NCOA3: variants seen among roughly 807,000 people sequenced by gnomAD.
NCOA3 encodes nuclear receptor coactivator 3.
A neutral mutation model predicts 158.8 loss-of-function variants in NCOA3; 51 were observed. That is an observed-to-expected ratio of 0.32 (90% CI 0.26 to 0.41). NCOA3 has a LOEUF of 0.41. Ranked by LOEUF, NCOA3 falls within the 10% of genes least tolerant of loss-of-function variation. The pLI, the probability that NCOA3 is intolerant of heterozygous loss-of-function variation, is 1.00. For missense variants in NCOA3, 1,510 were observed against 1,746.6 expected, an observed-to-expected ratio of 0.86 and a Z score of 2.41; for synonymous variants, 537 against 592.4, an observed-to-expected ratio of 0.91 and a Z score of 1.36.
Position 47,625,435 on chromosome 20 carries a change from G to C in NCOA3, c.311G>C (p.Gly104Ala). Residue 104 changes from glycine to alanine, a missense_variant, in exon 5 of 23, where the codon GGG becomes GCG. By Grantham distance (60) the Gly-to-Ala change is moderately conservative (BLOSUM62 0). Around this residue, in one of 4 missense-constraint regions of NCOA3, gnomAD observed 309 missense variants for 427.1 expected, o/e 0.72. Transcript: ENST00000371998. ...DVQKADVSST[G>A]QGVIDKDSLG... is the part of the protein sequence containing the mutation. The stretch of plus-strand genomic sequence containing the variant: ...CAAAAAGCCGATGTATCTTCTACAG[G>C]GCAGGGAGTTATTGATAAAGACTCC... 6.2e-6 allele frequency: 10 copies of C among 1,613,728 alleles called. No homozygotes were observed. The highest frequency in any genetic ancestry group is 8.5e-6 in the Non-Finnish European group (10 of 1,179,830).
chr20:47,631,950 C>T (rs1248758135), intron 8 of NCOA3, among the ~76,000 whole-genome samples: 4 of 152,304 alleles, frequency 2.6e-5, no homozygotes, highest in Non-Finnish European at 5.9e-5. Context: ...CACTAACCAG[C>T]GCTCTGTCTG....
At chr20:47,533,284 C>CAAAAAAA (rs1158802672) in intron 1 of NCOA3, among the ~76,000 whole-genome samples, 3 of 54,840 alleles carry the variant, frequency 5.5e-5, no homozygotes, top group South Asian at 8.5e-4. Flanking sequence ...GGTTCCGTCT[C>CAAAAAAA]AAAAAAAAAA....
intron 1 of NCOA3, among the ~76,000 whole-genome samples, chr20:47,532,341 C>T (rs1295025182): frequency 6.6e-6 from 1 of 151,918 alleles, no homozygotes; most frequent in Non-Finnish European, 1.5e-5. Flanking sequence ...AGCAAGGTGA[C>T]CAGTGTTTTG....
At chr20:47,640,763 C>T (rs890182334) in intron 16 of NCOA3, among the ~76,000 whole-genome samples, 1 of 150,952 alleles carries the variant, frequency 6.6e-6, no homozygotes, top group Non-Finnish European at 1.5e-5. Context: ...TGGTGTGTGC[C>T]TGTAGTCCCA....
At chr20:47,642,132 A>G (rs1358979165) in intron 16 of NCOA3, 81 bp from the exon 17 acceptor site, 1 of 1,056,814 alleles carries the variant, frequency 9.5e-7, no homozygotes, top group Non-Finnish European at 1.4e-6. Context: ...TTCATTAAAA[A>G]TACTATGCAT....
At chr20:47,549,181 C>T (rs1224512981) in intron 1 of NCOA3, among the ~76,000 whole-genome samples, 1 of 151,862 alleles carries the variant, frequency 6.6e-6, no homozygotes, top group Non-Finnish European at 1.5e-5. Context: ...ACTTAACTAT[C>T]CTTAATTTTG....
chr20:47,617,543 T>G lies in NCOA3; in HGVS notation c.-19-4686T>G, dbSNP rs569052856. Among the ~76,000 whole-genome samples the G allele has an allele frequency of 2.0e-5, 3 of 152,288 alleles. No homozygotes were observed. In the South Asian group the frequency reaches 6.2e-4, roughly 32 times the overall value. On this transcript the variant is annotated intron_variant, in intron 2 of 22. Coordinates refer to ENST00000371998, the MANE Select transcript of NCOA3 (RefSeq NM_181659.3). ...GTGCTAGGCATTTACCTTTTATATC[T>G]TAATCTACCAAAATAGCATATCCTC... is the stretch of plus-strand genomic sequence containing the variant.
rs1344563547 is a variant in NCOA3 at position 47,625,358 on chromosome 20, T to TA, written c.257-22dup. On this transcript the variant is annotated intron_variant, in intron 4 of 22. Transcript: ENST00000371998. Reference sequence around the variant, plus strand: ...CTATAACTGATAGTGTGTTATTCGTTATACCACCTTCTGTCTTTTCAGGAA... The same window carrying TA: ...CTATAACTGATAGTGTGTTATTCGTTAATACCACCTTCTGTCTTTTCAGGAA... 3 of 1,518,276 alleles carry TA rather than the reference T, an allele frequency of 2.0e-6. No homozygotes were observed. The East Asian group carries it at 6.8e-5, about 34-fold the overall frequency. The allele number at this position is 1,518,276 out of a possible 1,614,324, so 94.1% of individuals were successfully genotyped here.
intron 1 of NCOA3, among the ~76,000 whole-genome samples, chr20:47,580,744 C>T (rs1405174706): frequency 6.6e-6 from 1 of 152,124 alleles, no homozygotes; most frequent in African/African-American, 2.4e-5. Context: ...AGAAGTTCTG[C>T]CTACCTTTTC....
At chr20:47,540,118 T>C (rs890290868) in intron 1 of NCOA3, among the ~76,000 whole-genome samples, 1 of 152,118 alleles carries the variant, frequency 6.6e-6, no homozygotes, top group African/African-American at 2.4e-5. Context: ...GCCATGCCCT[T>C]TTTACCACCC....
At chr20:47,543,752 C>T (rs2084782331) in intron 1 of NCOA3, among the ~76,000 whole-genome samples, 1 of 152,142 alleles carries the variant, frequency 6.6e-6, no homozygotes, top group African/African-American at 2.4e-5. Context: ...TCAGGTGATC[C>T]ACCTGCCTTG....
intron 9 of NCOA3, 63 bp from the exon 10 acceptor site, chr20:47,633,985 C>G: frequency 9.0e-6 from 14 of 1,554,866 alleles, no homozygotes; most frequent in Non-Finnish European, 1.1e-5. Context: ...CCTCCCTGTC[C>G]CCTCCTATAT....
chr20:47,542,789 C>T (rs1260903799), intron 1 of NCOA3, among the ~76,000 whole-genome samples: 1 of 152,100 alleles, frequency 6.6e-6, no homozygotes, highest in East Asian at 1.9e-4. Context: ...TGGCGAAACC[C>T]CATCTATACA....
At chr20:47,579,782 C>G (rs1200482596) in intron 1 of NCOA3, among the ~76,000 whole-genome samples, 1 of 152,120 alleles carries the variant, frequency 6.6e-6, no homozygotes, top group Admixed American at 6.5e-5. Flanking sequence ...ACACTAAGCA[C>G]CAAGTTTTTG....
Position 47,522,099 on chromosome 20 carries a change from C to CTTTTTTTTTTTT in NCOA3, c.-99+20092_-99+20103dup, listed in dbSNP as rs772811888. 3.5e-4 allele frequency among the ~76,000 whole-genome samples: 27 copies of CTTTTTTTTTTTT among 76,836 alleles called. 1 individual carries two copies. Among genetic ancestry groups the CTTTTTTTTTTTT allele is most frequent in the African/African-American group, 1.2e-3 (22 of 19,076 alleles). 50.4% of individuals were successfully genotyped at this position (76,836 alleles called of 152,430 possible). On this transcript the variant is annotated intron_variant, in intron 1 of 22. Transcript: ENST00000371998. Reference sequence around the variant, plus strand: ...GTTTTGTAGTTACCATTGTACAGATCTTTTTTTTTTTTTTTTTTTTTTTGA... The same window carrying CTTTTTTTTTTTT: ...GTTTTGTAGTTACCATTGTACAGATCTTTTTTTTTTTTTTTTTTTTTTTTTTTTTTTTTTTGA...
chr20:47,608,265 T>C (rs377177212), intron 2 of NCOA3, among the ~76,000 whole-genome samples: 3 of 151,864 alleles, frequency 2.0e-5, no homozygotes, highest in Non-Finnish European at 4.4e-5. Context: ...GAGTCAAGAT[T>C]GCGGCATTGC....
At chr20:47,625,017 C>T (rs2086299918) in intron 4 of NCOA3, among the ~76,000 whole-genome samples, 1 of 152,168 alleles carries the variant, frequency 6.6e-6, no homozygotes, top group African/African-American at 2.4e-5. Flanking sequence ...AGGTGATCCA[C>T]CCGCCTCAGC....
chr20:47,548,739 C>A (rs2084877594), intron 1 of NCOA3, among the ~76,000 whole-genome samples: 1 of 151,962 alleles, frequency 6.6e-6, no homozygotes, highest in African/African-American at 2.4e-5. Context: ...AGTAGAGTTG[C>A]AGTAATCTAG....
At chr20:47,519,375 T>C (rs1218646615) in intron 1 of NCOA3, among the ~76,000 whole-genome samples, 1 of 151,162 alleles carries the variant, frequency 6.6e-6, no homozygotes, top group African/African-American at 2.4e-5. Flanking sequence ...GAGACTACAG[T>C]GAGTCAAGAC....
Sources: allele counts gnomAD v4.1 joint callset (sites outside exome capture counted in the v4.1 genomes callset), GRCh38; gene constraint gnomAD v4.1.1; regional missense constraint gnomAD v4.1.1; transcripts MANE v1.5; gene names NCBI Gene and HGNC (gene_info 2026-07-23, HGNC 2026-07-21).